The following MYO1D variants were observed in gnomAD, a reference collection of about 807,000 sequenced individuals.
MYO1D encodes unconventional myosin-Id.
A neutral mutation model predicts 122.0 loss-of-function variants in MYO1D; 83 were observed. The ratio of observed to expected loss-of-function variants is 0.68; its 90% confidence interval spans 0.57 to 0.82. The LOEUF (loss-of-function observed/expected upper bound fraction) is 0.82. MYO1D is among the 40% of genes least tolerant of loss of function. The probability of loss-of-function intolerance (pLI) is 0.00; values close to 1 mark genes in which losing one functional copy is unlikely to be tolerated. For synonymous variants in MYO1D, 464 were observed against 446.9 expected (o/e 1.04, Z -0.48); for missense variants, 1,157 against 1,269.5 (o/e 0.91, Z 1.35).
intron 1 of MYO1D, among the ~76,000 whole-genome samples, chr17:32,805,624 G>T (rs2090503617): frequency 6.6e-6 from 1 of 151,650 alleles, no homozygotes; most frequent in African/African-American, 2.4e-5. Flanking sequence ...AAATTAGACA[G>T]CATTTATATA....
chr17:32,710,245 C>A (rs1485899333), intron 16 of MYO1D, among the ~76,000 whole-genome samples: 1 of 152,032 alleles, frequency 6.6e-6, no homozygotes, highest in Non-Finnish European at 1.5e-5. Context: ...ATAGAGCACA[C>A]AGAGACAGGA....
At chr17:32,574,347 A>G (rs950261665) in intron 21 of MYO1D, among the ~76,000 whole-genome samples, 2 of 152,018 alleles carry the variant, frequency 1.3e-5, no homozygotes, top group Non-Finnish European at 2.9e-5. Flanking sequence ...CCCAAGATGA[A>G]ATTTTGTAAA....
intron 1 of MYO1D, among the ~76,000 whole-genome samples, chr17:32,783,386 C>T (rs989941434): frequency 2.6e-5 from 4 of 151,952 alleles, no homozygotes; most frequent in African/African-American, 9.7e-5. Context: ...CCTATAGGCA[C>T]CATGTATAAA....
chr17:32,699,812 T>A (rs2089222576), intron 16 of MYO1D, among the ~76,000 whole-genome samples: 1 of 152,180 alleles, frequency 6.6e-6, no homozygotes, highest in Admixed American at 6.5e-5. Flanking sequence ...CCTATTTTTG[T>A]GAATATTTGC....
At chr17:32,656,073 TCTC>T (rs1410949194) in intron 17 of MYO1D, among the ~76,000 whole-genome samples, 3 of 152,118 alleles carry the variant, frequency 2.0e-5, no homozygotes, top group African/African-American at 7.2e-5. Flanking sequence ...AGGTACAAGT[TCTC>T]TTATGCGCTT....
chr17:32,680,861 G>A (rs1345446796), intron 16 of MYO1D, among the ~76,000 whole-genome samples: 2 of 152,068 alleles, frequency 1.3e-5, no homozygotes, highest in Non-Finnish European at 2.9e-5. Context: ...GTAGAATTCG[G>A]CTGTGAATCC....
intron 20 of MYO1D, chr17:32,627,703 A>G (rs1052750548): frequency 6.6e-6 from 1 of 152,162 alleles, no homozygotes; most frequent in African/African-American, 2.4e-5. Context: ...AAAAGGGACT[A>G]TATCAAAACA....
At chr17:32,803,185 C>T (rs1033964536) in intron 1 of MYO1D, among the ~76,000 whole-genome samples, 7 of 151,974 alleles carry the variant, frequency 4.6e-5, no homozygotes, top group South Asian at 2.1e-4. Context: ...CTTACTCTGT[C>T]GCCCAGGCTT....
At chr17:32,718,640 C>T (rs943304644) in intron 15 of MYO1D, among the ~76,000 whole-genome samples, 1 of 152,040 alleles carries the variant, frequency 6.6e-6, no homozygotes, top group Admixed American at 6.5e-5. Context: ...GGTGGAGCTG[C>T]AGTGAGCTGA....
intron 19 of MYO1D, among the ~76,000 whole-genome samples, chr17:32,649,783 G>A (rs1368949736): frequency 1.3e-5 from 2 of 151,928 alleles, no homozygotes; most frequent in Non-Finnish European, 2.9e-5. Context: ...TGTTGGCCAG[G>A]CTGGTCTCAA....
chr17:32,865,277 G>A (rs1377251472), intron 1 of MYO1D, among the ~76,000 whole-genome samples: 3 of 152,162 alleles, frequency 2.0e-5, no homozygotes, highest in Non-Finnish European at 2.9e-5. Context: ...ATAACCCGGC[G>A]TTGCTACAGA....
chr17:32,778,707 T>C (rs912588668), intron 2 of MYO1D, 134 bp from the exon 3 acceptor site: 4 of 840,222 alleles, frequency 4.8e-6, no homozygotes, highest in Admixed American at 2.6e-5. Context: ...TTCATTTTTT[T>C]GCTTTTTTGA....
intron 16 of MYO1D, among the ~76,000 whole-genome samples, chr17:32,660,798 T>C (rs992419434): frequency 6.6e-6 from 1 of 152,220 alleles, no homozygotes; most frequent in Non-Finnish European, 1.5e-5. Flanking sequence ...AAATCCACTG[T>C]ACAGATGGCT....
chr17:32,622,481 C>A (rs1468611929), intron 20 of MYO1D, among the ~76,000 whole-genome samples: 1 of 152,024 alleles, frequency 6.6e-6, no homozygotes, highest in African/African-American at 2.4e-5. Flanking sequence ...AATAATGTGA[C>A]AGGTGGTGAT....
chr17:32,702,140 A>G (rs2089255583), intron 16 of MYO1D, among the ~76,000 whole-genome samples: 1 of 152,180 alleles, frequency 6.6e-6, no homozygotes, highest in African/African-American at 2.4e-5. Flanking sequence ...TAAGAACAGA[A>G]AAAAATTTTC....
At chr17:32,791,618 A>C (rs1403023381) in intron 1 of MYO1D, among the ~76,000 whole-genome samples, 1 of 152,170 alleles carries the variant, frequency 6.6e-6, no homozygotes, top group East Asian at 1.9e-4. Context: ...AAATATACAA[A>C]GAGAAATTAA....
At chr17:32,715,988 G>A (rs2089439775) in intron 15 of MYO1D, among the ~76,000 whole-genome samples, 1 of 151,470 alleles carries the variant, frequency 6.6e-6, no homozygotes, top group African/African-American at 2.4e-5. Flanking sequence ...GTTTACAACA[G>A]ACTCCTAAAT....
intron 1 of MYO1D, among the ~76,000 whole-genome samples, chr17:32,825,341 G>A (rs182266714): frequency 6.6e-6 from 1 of 151,712 alleles, no homozygotes; most frequent in Non-Finnish European, 1.5e-5. Flanking sequence ...GTCTAGGCTG[G>A]AGTACAGTGG....
intron 21 of MYO1D, among the ~76,000 whole-genome samples, chr17:32,568,830 A>G (rs1030124405): frequency 2.0e-5 from 3 of 152,204 alleles, no homozygotes; most frequent in African/African-American, 7.2e-5. Context: ...ACACCTCCAG[A>G]GCAGCTCGAA....
Sources: gnomAD v4.1 joint callset for allele counts (sites outside exome capture counted in the v4.1 genomes callset) on GRCh38, gnomAD v4.1.1 for gene constraint, MANE v1.5 for transcripts, NCBI Gene and HGNC (gene_info 2026-07-23, HGNC 2026-07-21) for gene names.